Variants in NKIRAS1 observed in about 807,000 individuals in gnomAD.
NKIRAS1 encodes NF-kappa-B inhibitor-interacting Ras-like protein 1.
NKIRAS1 carries 16 observed loss-of-function variants against 19.8 expected under a neutral mutation model. The observed-to-expected ratio is 0.81, with a 90% confidence interval of 0.55 to 1.23. The LOEUF is 1.23. Ranked by LOEUF, NKIRAS1 falls within the 50% of genes most tolerant of loss-of-function variation. NKIRAS1 has a pLI of 0.00. For missense variants in NKIRAS1, 184 were observed against 220.0 expected, an observed-to-expected ratio of 0.84 and a Z score of 1.04; for synonymous variants, 88 against 79.0, an observed-to-expected ratio of 1.11 and a Z score of -0.61.
intron 3 of NKIRAS1, among the ~76,000 whole-genome samples, chr3:23,909,862 TTG>T (rs1491034502): frequency 8.4e-6 from 1 of 119,258 alleles, no homozygotes; most frequent in East Asian, 2.1e-4. Context: ...TTGTTTTTTT[TTG>T]TTTTTTTTTT....
chr3:23,933,243 A>C (rs765894643), intron 1 of NKIRAS1, among the ~76,000 whole-genome samples: 6 of 152,238 alleles, frequency 3.9e-5, no homozygotes, highest in Non-Finnish European at 7.3e-5. Flanking sequence ...TTTGTCATTT[A>C]ATCTCACACA....
chr3:23,929,109 C>G lies in NKIRAS1; in HGVS notation c.-140+17214G>C, dbSNP rs1408550013. ...AGGCGTGGTGGCTCATGCCTGTAAT[C>G]CCAGCACTTTGGGAGGCTGAGAGGG... On this transcript the variant is annotated intron_variant, in intron 1 of 4. Transcript: ENST00000421515. 2.0e-5 allele frequency among the ~76,000 whole-genome samples: 3 copies of G among 151,938 alleles called. No homozygotes were observed. The South Asian group carries it at 6.2e-4, about 31-fold the overall frequency.
upstream of NKIRAS1, chr3:23,919,891 G>A (rs1704976155): frequency 7.0e-6 from 7 of 993,570 alleles, no homozygotes; most frequent in South Asian, 4.6e-5. Context: ...AAGTGGCTGC[G>A]TTTTTTTTAG....
intron 1 of NKIRAS1, among the ~76,000 whole-genome samples, chr3:23,937,536 G>C (rs1180930853): frequency 6.6e-6 from 1 of 151,428 alleles, no homozygotes; most frequent in Non-Finnish European, 1.5e-5. Context: ...CCTGTTGTTA[G>C]GGCAAGTTTT....
At chr3:23,944,773 A>C (rs1705584427) in intron 1 of NKIRAS1, among the ~76,000 whole-genome samples, 1 of 141,910 alleles carries the variant, frequency 7.0e-6, no homozygotes, top group African/African-American at 2.6e-5. Context: ...TAGAGGGTGC[A>C]GAGGGAAAGG....
intron 3 of NKIRAS1, among the ~76,000 whole-genome samples, chr3:23,908,068 T>G (rs1240859480): frequency 1.3e-5 from 2 of 152,196 alleles, no homozygotes; most frequent in Non-Finnish European, 2.9e-5. Context: ...AAATCAGAAT[T>G]GTATCCATCA....
intron 1 of NKIRAS1, among the ~76,000 whole-genome samples, chr3:23,944,798 C>T (rs62253379): frequency 0.19 from 28,145 of 145,256 alleles, 3,403 homozygotes; most frequent in East Asian, 0.46. Context: ...GGTCTGTGCC[C>T]TCAGAGACCA....
chr3:23,890,771 G>A lies in NKIRAS1; in HGVS notation c.*2324C>T. The A allele has an allele frequency of 1.8e-6, 1 of 556,242 alleles. No homozygotes were observed. 34.5% of individuals were successfully genotyped at this position (556,242 alleles called of 1,614,324 possible). On this transcript the variant is annotated 3_prime_UTR_variant, in exon 5 of 5. Coordinates refer to ENST00000425478, the MANE Select transcript of NKIRAS1 (RefSeq NM_020345.4). ...ATTTTGTTGTAACTTAAGGTATCTT[G>A]CTACAGTAGACAGAATTGGTAATAG...
In NKIRAS1 at chr3:23,927,453, G is replaced by A. The variant is rs1705229704; in HGVS notation, c.-139-16003C>T. ...CATAATCAAAGCATTCAAACTTAAC[G>A]AAATGCTGTAGCTGGAATGCACACT... On this transcript the variant is annotated intron_variant, in intron 1 of 4. Transcript: ENST00000421515. The surrounding 1 kb of genome is among the most constrained non-coding windows in gnomAD (Gnocchi z 4.0). Among the ~76,000 whole-genome samples the A allele has an allele frequency of 1.3e-5, 2 of 152,186 alleles. No individual in the cohort carries two copies. The highest frequency in any genetic ancestry group is 2.1e-4 in the South Asian group (1 of 4,824).
At chr3:23,923,681 ATTCTT>A (rs1705155822) in intron 1 of NKIRAS1, 1 of 152,256 alleles carries the variant, frequency 6.6e-6, no homozygotes, top group South Asian at 2.1e-4. Flanking sequence ...TGTAGAATAA[ATTCTT>A]AGAAGTAGAA....
chr3:23,932,706 A>AAAG (rs1705339157), intron 1 of NKIRAS1, among the ~76,000 whole-genome samples: 2 of 147,808 alleles, frequency 1.4e-5, no homozygotes, highest in Admixed American at 6.8e-5. Flanking sequence ...AAAAAAAAAA[A>AAAG]AAGTAACTTC....
intron 3 of NKIRAS1, among the ~76,000 whole-genome samples, chr3:23,905,885 G>A (rs1702993871): frequency 2.0e-5 from 3 of 152,050 alleles, no homozygotes; most frequent in Admixed American, 2.0e-4. Flanking sequence ...GAGGCCGGGT[G>A]CAGTGGCTCA....
At chr3:23,909,641 T>C (rs1703443226) in intron 3 of NKIRAS1, among the ~76,000 whole-genome samples, 4 of 152,192 alleles carry the variant, frequency 2.6e-5, no homozygotes, top group Admixed American at 2.0e-4. Flanking sequence ...CTATCTTCCT[T>C]ACTAAGCCAT....
At chr3:23,917,819 A>T (rs372207088), upstream of NKIRAS1, 2 of 1,576,260 alleles carry the variant, frequency 1.3e-6, no homozygotes, top group Non-Finnish European at 1.7e-6. Context: ...CTTAAAGCGG[A>T]TGATATTTAA....
chr3:23,920,570 T>C (rs868173537), upstream of NKIRAS1: 9 of 985,254 alleles, frequency 9.1e-6, no homozygotes, highest in African/African-American at 1.7e-5. Context: ...CAGGGTCAAT[T>C]TGAGTGTAAA....
At chr3:23,909,765 C>A (rs1436108321) in intron 3 of NKIRAS1, among the ~76,000 whole-genome samples, 1 of 152,054 alleles carries the variant, frequency 6.6e-6, no homozygotes, top group East Asian at 1.9e-4. Context: ...ATGAGGTAGC[C>A]CAATTCACAA....
chr3:23,933,440 TGGCATCCAGTGGATAGA>T lies in NKIRAS1; in HGVS notation c.-140+12866_-140+12882del, dbSNP rs923822257. 9.8e-5 allele frequency among the ~76,000 whole-genome samples: 15 copies of T among 152,330 alleles called. 1 individual carries two copies. The highest frequency in any genetic ancestry group is 9.8e-4 in the Admixed American group (15 of 15,308). On this transcript the variant is annotated intron_variant, in intron 1 of 4. Transcript: ENST00000421515. ...ACTGGGAAGTGGGTGGTATTGCCAC[TGGCATCCAGTGGATAGA>T]GGCCAGGGATGCTGCCAAACATACT...
intron 1 of NKIRAS1, among the ~76,000 whole-genome samples, chr3:23,940,665 AAT>A (rs1201554618): frequency 2.0e-5 from 3 of 152,210 alleles, no homozygotes; most frequent in Non-Finnish European, 2.9e-5. Context: ...TATAAATCAT[AAT>A]ATAATTTTTA....
intron 1 of NKIRAS1, among the ~76,000 whole-genome samples, chr3:23,932,719 T>C (rs1705339413): frequency 6.6e-6 from 1 of 151,052 alleles, no homozygotes; most frequent in Non-Finnish European, 1.5e-5. Context: ...GTAACTTCTA[T>C]AGTTTTAGGA....
Sources: gnomAD v4.1 joint callset for allele counts (sites outside exome capture counted in the v4.1 genomes callset) on GRCh38, gnomAD v4.1.1 for gene constraint, Gnocchi (gnomAD v3.1) non-coding constraint, MANE v1.5 for transcripts, NCBI Gene and HGNC (gene_info 2026-07-23, HGNC 2026-07-21) for gene names.